Variants in PCDHGA4 observed in about 807,000 individuals in gnomAD.
PCDHGA4 encodes the protein protocadherin gamma subfamily A, 4.
In PCDHGA4, 38 loss-of-function variants were observed where a neutral mutation model predicts 54.6. The observed-to-expected ratio is 0.70, with a 90% CI of 0.54 to 0.91. The LOEUF (loss-of-function observed/expected upper bound fraction) is 0.91, where lower values mean the gene tolerates loss of function less well. PCDHGA4 is among the 40% of genes least tolerant of loss of function. The probability of loss-of-function intolerance (pLI) is 0.00; values close to 1 mark genes in which losing one functional copy is unlikely to be tolerated. For missense variants in PCDHGA4, 1,298 were observed against 1,220.9 expected, an observed-to-expected ratio of 1.06 and a Z score of -0.94; for synonymous variants, 511 against 512.9, an observed-to-expected ratio of 1.00 and a Z score of 0.05.
intron 2 of PCDHGA4, among the ~76,000 whole-genome samples, chr5:141,502,787 G>T (rs2099816081): frequency 6.6e-6 from 1 of 151,394 alleles, no homozygotes; most frequent in African/African-American, 2.4e-5. Flanking sequence ...TTACCTGGAT[G>T]ATTTCTTCAG....
intron 1 of PCDHGA4, chr5:141,370,437 C>T: frequency 1.2e-6 from 2 of 1,603,790 alleles, no homozygotes; most frequent in Non-Finnish European, 1.7e-6. Flanking sequence ...AGGGCAGAGG[C>T]GAATGCTATT....
rs11575954 is a variant in PCDHGA4 at position 141,376,006 on chromosome 5, C to A, written c.2514+18385C>A. 8.7e-3 allele frequency: 14,039 copies of A among 1,613,452 alleles called. 99 individuals carry two copies. Among genetic ancestry groups the A allele is most frequent in the Middle Eastern group, 0.011 (63 of 5,814 alleles). ...TGGACAGAGACGCGCTCAAGCAGAGCCTAGTGGTGGCCGTCCAGGACCACG... is the reference window on the plus strand; with the variant it reads ...TGGACAGAGACGCGCTCAAGCAGAGACTAGTGGTGGCCGTCCAGGACCACG... On this transcript the variant is annotated intron_variant, in intron 1 of 3. Transcript: ENST00000571252.
chr5:141,458,386 G>T (rs1037969327), intron 1 of PCDHGA4, among the ~76,000 whole-genome samples: 2 of 152,070 alleles, frequency 1.3e-5, no homozygotes, highest in African/African-American at 2.4e-5. Flanking sequence ...GAAGGAAGAC[G>T]CTCCCCCTTG....
intron 1 of PCDHGA4, chr5:141,410,146 C>T (rs2095361527): frequency 2.5e-6 from 4 of 1,612,390 alleles, no homozygotes; most frequent in Non-Finnish European, 2.5e-6. Context: ...CTGTGCGTGA[C>T]GGTGGACAGC....
chr5:141,381,898 C>T (rs1777736173), intron 1 of PCDHGA4, among the ~76,000 whole-genome samples: 2 of 123,608 alleles, frequency 1.6e-5, no homozygotes, highest in African/African-American at 6.3e-5. Context: ...GGTGTGATCT[C>T]GGCTCACCAC....
At chr5:141,451,762 T>C (rs2154563695) in intron 1 of PCDHGA4, among the ~76,000 whole-genome samples, 1 of 152,100 alleles carries the variant, frequency 6.6e-6, no homozygotes, top group African/African-American at 2.4e-5. Flanking sequence ...ATGCCTATAG[T>C]CCCAGCTACT....
intron 2 of PCDHGA4, among the ~76,000 whole-genome samples, chr5:141,501,061 G>T (rs746369272): frequency 1.5e-4 from 23 of 152,118 alleles, no homozygotes; most frequent in Non-Finnish European, 2.1e-4. Flanking sequence ...TAGAGACGGG[G>T]TTTCACCATG....
intron 1 of PCDHGA4, chr5:141,441,182 CA>C (rs1434822697): frequency 6.6e-6 from 1 of 152,140 alleles, no homozygotes; most frequent in African/African-American, 2.4e-5. Flanking sequence ...TCTAATTCCA[CA>C]ATGATTCCCA....
intron 1 of PCDHGA4, among the ~76,000 whole-genome samples, chr5:141,459,880 C>G (rs1240703946): frequency 6.6e-6 from 1 of 152,134 alleles, no homozygotes; most frequent in Non-Finnish European, 1.5e-5. Context: ...TTTAACTGAG[C>G]TGAACGCCTT....
Position 141,423,691 on chromosome 5 carries a change from T to C in PCDHGA4, c.2514+66070T>C. On this transcript the variant is annotated intron_variant, in intron 1 of 3. Coordinates refer to ENST00000571252, the MANE Select transcript of PCDHGA4 (RefSeq NM_018917.4). Reference sequence around the variant, plus strand: ...ATTTATTTCTCTGCCTCCTAATTGTTGGTGTCTTGGCACAAGTCTTTTAAG... The same window carrying C: ...ATTTATTTCTCTGCCTCCTAATTGTCGGTGTCTTGGCACAAGTCTTTTAAG... 5 of 1,506,830 alleles carry C rather than the reference T, an allele frequency of 3.3e-6. No individual in the cohort carries two copies. The South Asian group carries it at 6.9e-5, about 21-fold the overall frequency. 93.3% of individuals were successfully genotyped at this position (1,506,830 alleles called of 1,614,324 possible).
chr5:141,388,775 G>A (rs1187741321), intron 1 of PCDHGA4: 1 of 1,613,726 alleles, frequency 6.2e-7, no homozygotes, highest in Non-Finnish European at 8.5e-7. Context: ...CTAACACCGG[G>A]GAAATTACTG....
Position 141,355,394 on chromosome 5 carries a change from G to T in PCDHGA4, c.287G>T (p.Arg96Leu). Reference protein sequence around the residue: ...APRELAERGVRIVSRGRTQLF... With the variant: ...APRELAERGVLIVSRGRTQLF... ...CGGGAGCTGGCGGAGCGCGGAGTCC[G>T]CATCGTCTCCAGAGGTAGGACGCAG... Residue 96 changes from arginine (R) to leucine (L), a missense_variant, in exon 1 of 4, where the codon CGC becomes CTC. Physicochemically the swap from Arg to Leu is moderately radical, Grantham distance 102. Transcript: ENST00000571252. The T allele has an allele frequency of 2.5e-6, 4 of 1,614,058 alleles. No individual in the cohort carries two copies. The highest frequency in any genetic ancestry group is 3.4e-6 in the Non-Finnish European group (4 of 1,179,916).
intron 1 of PCDHGA4, among the ~76,000 whole-genome samples, chr5:141,482,089 C>CAA (rs36035257): frequency 1.0e-3 from 137 of 134,516 alleles, no homozygotes; most frequent in African/African-American, 1.5e-3. Context: ...CACTCCATCT[C>CAA]AAAAAAAAAA....
chr5:141,492,037 C>A (rs556842734), intron 1 of PCDHGA4: 94 of 538,798 alleles, frequency 1.7e-4, no homozygotes, highest in Non-Finnish European at 2.5e-4. Flanking sequence ...AGGAGGCAGT[C>A]ACAGATCCAC....
intron 1 of PCDHGA4, chr5:141,422,451 C>A: frequency 6.2e-7 from 1 of 1,611,518 alleles, no homozygotes; most frequent in East Asian, 2.2e-5. Context: ...TGATAACAAG[C>A]AGAGTGCTGG....
chr5:141,394,048 G>A (rs1285768639), intron 1 of PCDHGA4: 5 of 1,613,504 alleles, frequency 3.1e-6, no homozygotes, highest in South Asian at 1.1e-5. Context: ...TATTTGGACC[G>A]AGAAAATGTC....
chr5:141,361,803 T>C, intron 1 of PCDHGA4: 1 of 1,613,164 alleles, frequency 6.2e-7, no homozygotes, highest in Non-Finnish European at 8.5e-7. Flanking sequence ...GCGACCTCAA[T>C]GACAATGCGC....
rs922592733 is a variant in PCDHGA4 at position 141,487,979 on chromosome 5, C to T, written c.2515-6828C>T. Among the ~76,000 whole-genome samples the T allele has an allele frequency of 1.3e-5, 2 of 152,178 alleles. No individual in the cohort carries two copies. Among genetic ancestry groups the T allele is most frequent in the African/African-American group, 4.8e-5 (2 of 41,442 alleles). The stretch of plus-strand genomic sequence containing the variant: ...TGGACAAAGGTGGCTGTTTTCTCTA[C>T]TCTTCCTGAAAGAGGGGATCAGATT... On this transcript the variant is annotated intron_variant, in intron 1 of 3. Coordinates refer to ENST00000571252, the MANE Select transcript of PCDHGA4 (RefSeq NM_018917.4). The surrounding 1 kb of genome is among the most constrained non-coding windows in gnomAD (Gnocchi z 5.0).
intron 1 of PCDHGA4, chr5:141,421,504 C>A (rs757410882): frequency 1.2e-6 from 2 of 1,614,062 alleles, no homozygotes; most frequent in Admixed American, 1.7e-5. Context: ...CAGGATAGAC[C>A]GGGAGGAGCT....
Sources: gnomAD v4.1 joint callset for allele counts (sites outside exome capture counted in the v4.1 genomes callset) on GRCh38, gnomAD v4.1.1 for gene constraint, Gnocchi (gnomAD v3.1) non-coding constraint, MANE v1.5 for transcripts, NCBI Gene and HGNC (gene_info 2026-07-23, HGNC 2026-07-21) for gene names.